NHSL2: variants seen among roughly 807,000 people sequenced by gnomAD.
NHSL2 encodes the protein NHS like 2, also known as NHS-like protein 2.
A neutral mutation model predicts 53.4 loss-of-function variants in NHSL2; 27 were observed. That is an observed-to-expected ratio of 0.51 (90% CI 0.37 to 0.70). The LOEUF is 0.70. Ranked by LOEUF, NHSL2 falls within the 30% of genes least tolerant of loss-of-function variation. The pLI, the probability that NHSL2 is intolerant of heterozygous loss-of-function variation, is 0.00. For missense variants in NHSL2, 892 were observed against 980.1 expected, an observed-to-expected ratio of 0.91 and a Z score of 1.20; for synonymous variants, 408 against 404.1, an observed-to-expected ratio of 1.01 and a Z score of -0.12.
intron 1 of NHSL2, among the ~76,000 whole-genome samples, chrX:72,082,342 TCC>T (rs1044336553): frequency 8.9e-6 from 1 of 111,769 alleles, no homozygotes. Flanking sequence ...ATTAATTGCC[TCC>T]CCTTTCCTGC....
intron 1 of NHSL2, among the ~76,000 whole-genome samples, chrX:72,100,699 T>G (rs1042022464): frequency 6.2e-5 from 7 of 112,317 alleles, no homozygotes; most frequent in Middle Eastern, 4.6e-3. Context: ...TTGCTCCTTA[T>G]AAGAATCTAA....
chrX:72,150,723 C>A lies in NHSL2; in HGVS notation c.*7149C>A, dbSNP rs2042505671. 8.9e-6 allele frequency: 1 copy of A among 112,109 alleles called. No homozygotes were observed. Among genetic ancestry groups the A allele is most frequent in the Admixed American group, 9.5e-5 (1 of 10,559 alleles). 9.2% of individuals were successfully genotyped at this position (112,109 alleles called of 1,213,427 possible). ...CTTACTATTCTGTGGAATTGCAAGC[C>A]ATGCATCTTTTAGAGCCACACTAGT... On this transcript the variant is annotated 3_prime_UTR_variant, in exon 8 of 8. Coordinates refer to ENST00000633930, the MANE Select transcript of NHSL2 (RefSeq NM_001013627.3).
chrX:71,998,172 C>G (rs995745924), intron 1 of NHSL2, among the ~76,000 whole-genome samples: 1 of 112,103 alleles, frequency 8.9e-6, no homozygotes, highest in African/African-American at 3.2e-5. Context: ...CTCCTAAGGG[C>G]CAGGCCCTGA....
Position 72,069,617 on chromosome X carries a change from G to T in NHSL2, c.281-62462G>T, listed in dbSNP as rs950439613. 7.9e-5 allele frequency: 65 copies of T among 827,585 alleles called. No homozygotes were observed. The African/African-American group carries it at 1.3e-3, about 17-fold the overall frequency. The allele number at this position is 827,585 out of a possible 1,213,427, so 68.2% of individuals were successfully genotyped here. On this transcript the variant is annotated intron_variant, in intron 1 of 7. Transcript: ENST00000633930. ...AGAGGAGGAGGAGGAGGAGTAGGAG[G>T]AGGAGGAGGAGAAAGAGGAGGAGGA...
intron 1 of NHSL2, among the ~76,000 whole-genome samples, chrX:71,947,530 G>A (rs772527113): frequency 8.9e-6 from 1 of 112,387 alleles, no homozygotes; most frequent in South Asian, 3.7e-4. Flanking sequence ...ACTCCCTGAT[G>A]CTTTGAAGAG....
chrX:72,005,619 G>A (rs1365160509), intron 1 of NHSL2, among the ~76,000 whole-genome samples: 3 of 111,895 alleles, frequency 2.7e-5, no homozygotes, highest in African/African-American at 9.8e-5. Flanking sequence ...ACAATGGGGC[G>A]TGAAGCAAGG....
chrX:72,099,758 T>C, intron 1 of NHSL2, among the ~76,000 whole-genome samples: 1 of 112,491 alleles, frequency 8.9e-6, no homozygotes, highest in Non-Finnish European at 1.9e-5. Context: ...TACTCCAATA[T>C]ATCAAAAATA....
chrX:72,099,315 A>G (rs2041971322), intron 1 of NHSL2, among the ~76,000 whole-genome samples: 1 of 108,845 alleles, frequency 9.2e-6, no homozygotes, highest in Non-Finnish European at 1.9e-5. Context: ...ATTTTATTTC[A>G]TTCATCTATT....
intron 1 of NHSL2, among the ~76,000 whole-genome samples, chrX:72,032,608 C>T (rs2042221233): frequency 1.8e-5 from 2 of 111,625 alleles, no homozygotes; most frequent in South Asian, 7.6e-4. Flanking sequence ...CCTGTAATCC[C>T]AGCACTTTGA....
At chrX:72,111,852 C>T (rs761225787) in intron 1 of NHSL2, among the ~76,000 whole-genome samples, 1 of 111,560 alleles carries the variant, frequency 9.0e-6, no homozygotes, top group South Asian at 3.8e-4. Context: ...GATCCTTGAC[C>T]TCAGGGAGCT....
At chrX:72,012,297 G>A (rs1251516001) in intron 1 of NHSL2, among the ~76,000 whole-genome samples, 1 of 111,426 alleles carries the variant, frequency 9.0e-6, no homozygotes, top group African/African-American at 3.3e-5. Context: ...TATAAGGTGT[G>A]AGATAGATTA....
intron 1 of NHSL2, among the ~76,000 whole-genome samples, chrX:72,020,879 A>G (rs1262211129): frequency 1.8e-5 from 2 of 112,934 alleles, no homozygotes; most frequent in East Asian, 5.5e-4. Context: ...GGTCTGGAGA[A>G]GAACCTGAAA....
At chrX:72,021,878 T>C (rs971225893) in intron 1 of NHSL2, among the ~76,000 whole-genome samples, 7 of 111,957 alleles carry the variant, frequency 6.3e-5, no homozygotes, top group African/African-American at 2.3e-4. Context: ...GCTCGGCTTC[T>C]CCTTCTTCCC....
At chrX:71,961,182 T>A (rs1439772841) in intron 1 of NHSL2, among the ~76,000 whole-genome samples, 1 of 112,102 alleles carries the variant, frequency 8.9e-6, no homozygotes, top group Admixed American at 9.5e-5. Flanking sequence ...TTTTTGATTG[T>A]TTATTGATAA....
Position 71,931,182 on chromosome X carries a change from T to C in NHSL2, c.280+19815T>C, listed in dbSNP as rs781444769. ...GTATGTCTTTTTAGATAAATGTCTA[T>C]TCGAGTCTTTTGCCCGTTTTTGAAT... On this transcript the variant is annotated intron_variant, in intron 1 of 7. Transcript: ENST00000633930. Among the ~76,000 whole-genome samples the C allele has an allele frequency of 9.8e-5, 11 of 112,727 alleles. No individual in the cohort carries two copies. In the East Asian group the frequency reaches 3.1e-3, roughly 31 times the overall value.
intron 1 of NHSL2, among the ~76,000 whole-genome samples, chrX:72,069,443 G>A (rs1462369717): frequency 1.8e-5 from 2 of 111,150 alleles, no homozygotes; most frequent in Non-Finnish European, 3.8e-5. Context: ...GACTGAGAGA[G>A]ACTGAGAGAA....
At chrX:72,092,273 CTT>C (rs1385099723) in intron 1 of NHSL2, among the ~76,000 whole-genome samples, 2 of 112,094 alleles carry the variant, frequency 1.8e-5, no homozygotes, top group Non-Finnish European at 3.8e-5. Context: ...CTCCCCACGA[CTT>C]TGCTTTCCCC....
intron 1 of NHSL2, chrX:71,965,940 G>C (rs180808356): frequency 8.9e-6 from 1 of 112,164 alleles, no homozygotes; most frequent in African/African-American, 3.2e-5. Context: ...TTTAATACAC[G>C]CAACTTGATG....
chrX:72,012,876 A>G (rs1332993283), intron 1 of NHSL2, among the ~76,000 whole-genome samples: 1 of 111,564 alleles, frequency 9.0e-6, no homozygotes, highest in African/African-American at 3.3e-5. Context: ...TAGGTTCTCT[A>G]CTCTGTTTCA....
Sources: gnomAD v4.1 joint callset for allele counts (sites outside exome capture counted in the v4.1 genomes callset) on GRCh38, gnomAD v4.1.1 for gene constraint, MANE v1.5 for transcripts, NCBI Gene and HGNC (gene_info 2026-07-23, HGNC 2026-07-21) for gene names.